Variants in MN1 observed in about 807,000 individuals in gnomAD.
MN1 encodes the protein MN1 proto-oncogene, transcriptional regulator, also known as transcriptional activator MN1.
A neutral mutation model predicts 86.9 loss-of-function variants in MN1; 19 were observed. The ratio of observed to expected loss-of-function variants is 0.22; its 90% CI spans 0.15 to 0.32. The LOEUF (loss-of-function observed/expected upper bound fraction) is 0.32. MN1 is among the 10% of genes least tolerant of loss of function. The pLI, the probability that MN1 is intolerant of heterozygous loss-of-function variation, is 1.00. For missense variants in MN1, 1,841 were observed against 1,862.0 expected, an observed-to-expected ratio of 0.99 and a Z score of 0.21; for synonymous variants, 928 against 849.6, an observed-to-expected ratio of 1.09 and a Z score of -1.60.
intron 1 of MN1, among the ~76,000 whole-genome samples, chr22:27,771,101 G>A (rs1192325230): frequency 1.3e-5 from 2 of 151,858 alleles, no homozygotes; most frequent in Non-Finnish European, 2.9e-5. Context: ...CTTGGGGGTG[G>A]CAAACTACAG....
chr22:27,777,020 T>C (rs1433869252), intron 1 of MN1, among the ~76,000 whole-genome samples: 1 of 152,112 alleles, frequency 6.6e-6, no homozygotes, highest in African/African-American at 2.4e-5. Flanking sequence ...CCTTGGTCTT[T>C]AAAACGCAAG....
intron 1 of MN1, among the ~76,000 whole-genome samples, chr22:27,779,531 C>T (rs938090425): frequency 3.3e-5 from 5 of 152,202 alleles, no homozygotes; most frequent in Non-Finnish European, 7.3e-5. Flanking sequence ...AGCTCCTCAT[C>T]TCCGTGCCCA....
chr22:27,765,202 G>A lies in MN1; in HGVS notation c.3782-14106C>T, dbSNP rs923247623. On this transcript the variant is annotated intron_variant, in intron 1 of 1. Coordinates refer to ENST00000302326, the MANE Select transcript of MN1 (RefSeq NM_002430.3). The stretch of plus-strand genomic sequence containing the variant: ...GAGGTGATGTCACTTGTCCAAGTTC[G>A]CATAAGAGGAGGTTGCAAGCCAGGC... Among the ~76,000 whole-genome samples, 10 of 152,296 alleles carry A rather than the reference G, an allele frequency of 6.6e-5. No individual in the cohort carries two copies. In the East Asian group the frequency reaches 1.2e-3, roughly 18 times the overall value.
chr22:27,766,091 T>G (rs941044258), intron 1 of MN1, among the ~76,000 whole-genome samples: 1 of 152,194 alleles, frequency 6.6e-6, no homozygotes, highest in African/African-American at 2.4e-5. Flanking sequence ...GAGCTGAAGC[T>G]GGGCTCTGCC....
At chr22:27,772,520 C>A (rs1461315252) in intron 1 of MN1, among the ~76,000 whole-genome samples, 8 of 152,068 alleles carry the variant, frequency 5.3e-5, no homozygotes, top group Non-Finnish European at 1.0e-4. Context: ...TTAAGTAGTG[C>A]CGACTGTATG....
At chr22:27,794,492 C>T (rs986787099) in intron 1 of MN1, among the ~76,000 whole-genome samples, 1 of 152,224 alleles carries the variant, frequency 6.6e-6, no homozygotes, top group Non-Finnish European at 1.5e-5. Context: ...AAGTCCCTGT[C>T]GCCCCGCATG....
chr22:27,797,151 G>A lies in MN1; in HGVS notation c.3393C>T (p.Gly1131=). ...GGGPGHPGTP[G]LEQVRTPTSS... ...TCGTCGGGGTGCGGACCTGCTCCAG[G>A]CCCGGAGTGCCCGGATGGCCCGGGC... The change falls in exon 1 of 2, where the codon GGC becomes GGT. Residue 1131 remains glycine, a synonymous_variant. Coordinates refer to ENST00000302326, the MANE Select transcript of MN1 (RefSeq NM_002430.3). 1 of 1,563,896 alleles carries A rather than the reference G, an allele frequency of 6.4e-7. No individual in the cohort carries two copies. Among genetic ancestry groups the A allele is most frequent in the Non-Finnish European group, 8.6e-7 (1 of 1,157,368 alleles).
intron 1 of MN1, among the ~76,000 whole-genome samples, chr22:27,755,160 C>T (rs1350883817): frequency 6.6e-6 from 1 of 152,206 alleles, no homozygotes; most frequent in Admixed American, 6.5e-5. Context: ...GCTGCTCAGG[C>T]CAGGGTGGAA....
Position 27,799,196 on chromosome 22 carries a change from A to T in MN1, c.1348T>A (p.Tyr450Asn), listed in dbSNP as rs1438870643. The T allele has an allele frequency of 6.2e-7, 1 of 1,605,134 alleles. No individual in the cohort carries two copies. The highest frequency in any genetic ancestry group is 1.7e-5 in the Admixed American group (1 of 59,606). The part of the protein sequence containing the change: ...QRLQHFDAPP[Y>N]MNVAKRPRFD... ...CGCGGCCTCTTGGCCACGTTCATGT[A>T]GGGGGGCGCGTCGAAATGCTGCAGC... Residue 450 changes from tyrosine to asparagine, a missense_variant, in exon 1 of 2, where the codon TAC (tyrosine) becomes AAC (asparagine). Coordinates refer to ENST00000302326, the MANE Select transcript of MN1 (RefSeq NM_002430.3).
At chr22:27,779,614 G>C (rs1933024890) in intron 1 of MN1, among the ~76,000 whole-genome samples, 1 of 152,200 alleles carries the variant, frequency 6.6e-6, no homozygotes, top group African/African-American at 2.4e-5. Flanking sequence ...AGGTCACTTG[G>C]CCTCTCTGGG....
At chr22:27,782,021 C>T (rs894710557) in intron 1 of MN1, among the ~76,000 whole-genome samples, 3 of 152,122 alleles carry the variant, frequency 2.0e-5, no homozygotes, top group Non-Finnish European at 2.9e-5. Context: ...TCAGGGGCCG[C>T]GGACCAGCTC....
chr22:27,758,106 C>A (rs967861376), intron 1 of MN1, among the ~76,000 whole-genome samples: 2 of 152,082 alleles, frequency 1.3e-5, no homozygotes, highest in Non-Finnish European at 2.9e-5. Context: ...CCAACCAGAG[C>A]AGGCCTCTCT....
intron 1 of MN1, among the ~76,000 whole-genome samples, chr22:27,761,564 GCTGCAAC>G (rs1474483974): frequency 3.3e-5 from 5 of 152,178 alleles, no homozygotes; most frequent in African/African-American, 1.2e-4. Context: ...CAAAGTTTCA[GCTGCAAC>G]CTTCCCCCAT....
chr22:27,785,708 G>C (rs1933122473), intron 1 of MN1, among the ~76,000 whole-genome samples: 1 of 151,380 alleles, frequency 6.6e-6, no homozygotes, highest in Non-Finnish European at 1.5e-5. Context: ...CAGGAGTCTA[G>C]AAATGTCATA....
rs1932716706 is a variant in MN1 at position 27,748,361 on chromosome 22, T to A, written c.*2554A>T. The stretch of plus-strand genomic sequence containing the variant: ...TACAATATGCAGGAATACAGAAGAC[T>A]GCACTTTACATATTTTTTTAAAAAA... On this transcript the variant is annotated 3_prime_UTR_variant, in exon 2 of 2. Transcript: ENST00000302326. The A allele has an allele frequency of 5.6e-6, 1 of 179,974 alleles. No homozygotes were observed. The highest frequency in any genetic ancestry group is 1.2e-5 in the Non-Finnish European group (1 of 83,942). The allele number at this position is 179,974 out of a possible 1,614,324, so 11.1% of individuals were successfully genotyped here. A position where few individuals can be genotyped will look rare whatever the true frequency, so the allele number is the denominator to read the frequency against.
At chr22:27,789,271 C>T (rs1933180490) in intron 1 of MN1, among the ~76,000 whole-genome samples, 1 of 151,316 alleles carries the variant, frequency 6.6e-6, no homozygotes, top group African/African-American at 2.4e-5. Context: ...AGCAATGGGT[C>T]CCAAATACGC....
At chr22:27,754,108 T>A (rs1439493754) in intron 1 of MN1, among the ~76,000 whole-genome samples, 1 of 152,162 alleles carries the variant, frequency 6.6e-6, no homozygotes, top group East Asian at 1.9e-4. Flanking sequence ...AACTCTTTGC[T>A]CTGGGGCTGC....
Position 27,796,840 on chromosome 22 carries a change from A to G in MN1, c.3704T>C (p.Leu1235Pro), listed in dbSNP as rs1933304585. The G allele has an allele frequency of 6.2e-7, 1 of 1,612,756 alleles. No homozygotes were observed. Among genetic ancestry groups the G allele is most frequent in the Non-Finnish European group, 8.5e-7 (1 of 1,179,982 alleles). ...AAWYMPADKALVDSADDDKTL... is the reference protein window; with the variant it reads ...AAWYMPADKAPVDSADDDKTL... Reference sequence around the variant, plus strand: ...CTTGTCGTCGTCCGCGCTGTCCACCAGGGCCTTGTCAGCGGGCATGTACCA... The same window carrying G: ...CTTGTCGTCGTCCGCGCTGTCCACCGGGGCCTTGTCAGCGGGCATGTACCA... Residue 1235 changes from leucine (L) to proline (P), a missense_variant, in exon 1 of 2, where the codon CTG becomes CCG. By Grantham distance (98) the Leu-to-Pro change is moderately conservative (BLOSUM62 -3). Transcript: ENST00000302326.
intron 1 of MN1, among the ~76,000 whole-genome samples, chr22:27,754,571 A>G (rs1323623777): frequency 6.6e-6 from 1 of 152,228 alleles, no homozygotes. Context: ...AGTTCTTGAC[A>G]ACCCAAGCAT....
Sources: allele counts gnomAD v4.1 joint callset (sites outside exome capture counted in the v4.1 genomes callset), GRCh38; gene constraint gnomAD v4.1.1; transcripts MANE v1.5; gene names NCBI Gene and HGNC (gene_info 2026-07-23, HGNC 2026-07-21).